The following FGF10 variants were observed in gnomAD, a reference collection of about 807,000 sequenced individuals.
The protein encoded by FGF10 is FGF-10.
A neutral mutation model predicts 19.8 loss-of-function variants in FGF10; 2 were observed. The ratio of observed to expected loss-of-function variants is 0.10; its 90% CI spans 0.04 to 0.32. The LOEUF (loss-of-function observed/expected upper bound fraction) is 0.32, where lower values mean the gene tolerates loss of function less well. FGF10 is among the 10% of genes least tolerant of loss of function. The pLI, the probability that FGF10 is intolerant of heterozygous loss-of-function variation, is 1.00. For synonymous variants in FGF10, 112 were observed against 94.0 expected, an observed-to-expected ratio of 1.19 and a Z score of -1.10; for missense variants, 191 against 246.3, an observed-to-expected ratio of 0.78 and a Z score of 1.50.
At chr5:44,330,494 CCT>C (rs1470408408) in intron 1 of FGF10, among the ~76,000 whole-genome samples, 1 of 152,170 alleles carries the variant, frequency 6.6e-6, no homozygotes, top group Non-Finnish European at 1.5e-5. Context: ...CAGCAATTTG[CCT>C]CTGTTTCAGA....
intron 2 of FGF10, 32 bp downstream of exon 2, chr5:44,310,395 A>C (rs1421275268): frequency 2.1e-6 from 3 of 1,417,268 alleles, no homozygotes; most frequent in East Asian, 4.6e-5. Context: ...GGTTTACTGG[A>C]GTGGATTTGA....
In FGF10 at chr5:44,352,598, G is replaced by A. The variant is rs536502126; in HGVS notation, c.325+35760C>T. Among the ~76,000 whole-genome samples the A allele has an allele frequency of 9.3e-4, 141 of 151,694 alleles. 2 individuals carry two copies. The South Asian group carries it at 0.019, about 20-fold the overall frequency. On this transcript the variant is annotated intron_variant, in intron 1 of 2. Coordinates refer to ENST00000264664, the MANE Select transcript of FGF10 (RefSeq NM_004465.2). ...CTAGTTTAGATTGGCAGGAGTACATGATTTGGACATTCTCCTGGGGAAATG... is the reference window on the plus strand; with the variant it reads ...CTAGTTTAGATTGGCAGGAGTACATAATTTGGACATTCTCCTGGGGAAATG...
At chr5:44,364,430 G>A (rs1418336719) in intron 1 of FGF10, among the ~76,000 whole-genome samples, 2 of 151,804 alleles carry the variant, frequency 1.3e-5, no homozygotes, top group East Asian at 3.9e-4. Context: ...GCCTACAACA[G>A]TTTTTGACTG....
chr5:44,386,997 C>A (rs1742113766), intron 1 of FGF10, among the ~76,000 whole-genome samples: 1 of 152,236 alleles, frequency 6.6e-6, no homozygotes, highest in African/African-American at 2.4e-5. Context: ...ACTGACAAGA[C>A]AATCTATGCT....
chr5:44,306,645 G>C (rs950233013), intron 2 of FGF10, among the ~76,000 whole-genome samples: 6 of 152,124 alleles, frequency 3.9e-5, no homozygotes, highest in Admixed American at 3.9e-4. Context: ...ATATACCTAG[G>C]TGTCTGTAGG....
At chr5:44,385,506 T>A (rs538036419) in intron 1 of FGF10, among the ~76,000 whole-genome samples, 2 of 152,336 alleles carry the variant, frequency 1.3e-5, no homozygotes, top group African/African-American at 4.8e-5. Context: ...AAGCTGTTAC[T>A]GTATTTTAGC....
chr5:44,300,639 A>C lies in FGF10; in HGVS notation c.*4356T>G, dbSNP rs1478076948. Among the ~76,000 whole-genome samples, 3 of 152,188 alleles carry C rather than the reference A, an allele frequency of 2.0e-5. No individual in the cohort carries two copies. The highest frequency in any genetic ancestry group is 7.2e-5 in the African/African-American group (3 of 41,464). On this transcript the variant is annotated 3_prime_UTR_variant, in exon 3 of 3. Transcript: ENST00000264664. The stretch of plus-strand genomic sequence containing the variant: ...GAATTGGTGGGAAATATAGGAATAG[A>C]AAATGTTTTTATGTCACAGCTTCAT...
At chr5:44,377,068 C>T (rs749569925) in intron 1 of FGF10, among the ~76,000 whole-genome samples, 2 of 152,164 alleles carry the variant, frequency 1.3e-5, no homozygotes, top group Admixed American at 6.5e-5. Context: ...TTGTTTCCTC[C>T]CTGTGATTTC....
At chr5:44,324,866 A>G (rs1740574466) in intron 1 of FGF10, among the ~76,000 whole-genome samples, 1 of 152,216 alleles carries the variant, frequency 6.6e-6, no homozygotes, top group East Asian at 1.9e-4. Context: ...AGCAACATCC[A>G]ACAGTTTCAT....
At chr5:44,306,798 A>C (rs1740086579) in intron 2 of FGF10, among the ~76,000 whole-genome samples, 1 of 152,202 alleles carries the variant, frequency 6.6e-6, no homozygotes, top group African/African-American at 2.4e-5. Flanking sequence ...TATAACATTC[A>C]AATGATGATT....
intron 1 of FGF10, among the ~76,000 whole-genome samples, chr5:44,372,392 G>A (rs1025236730): frequency 1.2e-4 from 19 of 152,052 alleles, no homozygotes; most frequent in African/African-American, 2.9e-4. Flanking sequence ...GGTATATGAG[G>A]CCCACTTGAA....
At chr5:44,349,728 T>C (rs1355510372) in intron 1 of FGF10, among the ~76,000 whole-genome samples, 1 of 150,684 alleles carries the variant, frequency 6.6e-6, no homozygotes, top group African/African-American at 2.4e-5. Flanking sequence ...AACTTAAAAA[T>C]TTTGAATACT....
intron 1 of FGF10, among the ~76,000 whole-genome samples, chr5:44,352,227 G>C (rs114049078): frequency 6.6e-6 from 1 of 151,530 alleles, no homozygotes; most frequent in Non-Finnish European, 1.5e-5. Context: ...AGGGACTTTC[G>C]ATGCAATTCT....
chr5:44,322,070 C>T (rs1270545685), intron 1 of FGF10, among the ~76,000 whole-genome samples: 1 of 152,088 alleles, frequency 6.6e-6, no homozygotes, highest in African/African-American at 2.4e-5. Flanking sequence ...GCTACATCTT[C>T]CCTTATACAC....
At chr5:44,350,556 A>G (rs1413009592) in intron 1 of FGF10, among the ~76,000 whole-genome samples, 1 of 151,158 alleles carries the variant, frequency 6.6e-6, no homozygotes, top group Non-Finnish European at 1.5e-5. Flanking sequence ...ATGTATAAAC[A>G]TATGTATGCA....
At chr5:44,320,197 C>T (rs907434428) in intron 1 of FGF10, among the ~76,000 whole-genome samples, 13 of 152,164 alleles carry the variant, frequency 8.5e-5, no homozygotes, top group East Asian at 5.8e-4. Flanking sequence ...TTTGACTGCA[C>T]AGAGACCATC....
At chr5:44,357,734 A>G (rs1015289489) in intron 1 of FGF10, among the ~76,000 whole-genome samples, 3 of 151,438 alleles carry the variant, frequency 2.0e-5, no homozygotes, top group African/African-American at 7.3e-5. Flanking sequence ...AAAGATGCCA[A>G]TTGGGGGCAA....
intron 1 of FGF10, among the ~76,000 whole-genome samples, chr5:44,381,440 G>A (rs1561221293): frequency 2.0e-5 from 3 of 151,988 alleles, no homozygotes; most frequent in South Asian, 2.1e-4. Flanking sequence ...TTAAAGGTAT[G>A]TAGCCAGTTC....
chr5:44,363,775 G>A (rs1320803887), intron 1 of FGF10, among the ~76,000 whole-genome samples: 1 of 151,672 alleles, frequency 6.6e-6, no homozygotes, highest in African/African-American at 2.4e-5. Context: ...TTAGAAGGTG[G>A]GCAATCACTA....
Sources: allele counts gnomAD v4.1 joint callset (sites outside exome capture counted in the v4.1 genomes callset), GRCh38; gene constraint gnomAD v4.1.1; transcripts MANE v1.5; gene names NCBI Gene and HGNC (gene_info 2026-07-23, HGNC 2026-07-21).